Variants in EDC4 observed in about 807,000 individuals in gnomAD.
The protein encoded by EDC4 is enhancer of mRNA-decapping protein 4.
A neutral mutation model predicts 155.8 loss-of-function variants in EDC4; 64 were observed. The ratio of observed to expected loss-of-function variants is 0.41; its 90% CI spans 0.34 to 0.51. The LOEUF is 0.51. EDC4 is among the 20% of genes least tolerant of loss of function. The probability of loss-of-function intolerance (pLI) is 0.19; values close to 1 mark genes in which losing one functional copy is unlikely to be tolerated. For missense variants in EDC4, 1,303 were observed against 1,812.5 expected (o/e 0.72, Z 5.10); for synonymous variants, 684 against 716.8 (o/e 0.95, Z 0.73).
chr16:67,873,449 C>T lies in EDC4; in HGVS notation c.82+106C>T, dbSNP rs546902948. 28 of 943,732 alleles carry T rather than the reference C, an allele frequency of 3.0e-5. No homozygotes were observed. In the South Asian group the frequency reaches 4.1e-4, roughly 14 times the overall value. 58.5% of individuals were successfully genotyped at this position (943,732 alleles called of 1,614,324 possible). On this transcript the variant is annotated intron_variant, in intron 1 of 28. Transcript: ENST00000358933. ...GCTCCCTTAGGACTAGCTCTGGATC[C>T]TCCCGGCGGGTAAGGGTGGACGGGG...
chr16:67,882,027 G>T lies in EDC4; in HGVS notation c.3078G>T (p.Gln1026His), dbSNP rs1243431735. 2 of 1,612,384 alleles carry T rather than the reference G, an allele frequency of 1.2e-6. No individual in the cohort carries two copies. Among genetic ancestry groups the T allele is most frequent in the African/African-American group, 2.7e-5 (2 of 74,850 alleles). The change falls in exon 23 of 29, where the codon CAG becomes CAT. Residue 1026 changes from glutamine (Q) to histidine (H), a missense_variant. Physicochemically the swap from Gln to His is conservative, Grantham distance 24 (BLOSUM62 0). Transcript: ENST00000358933. This position sits in a 1 kb window ranked among gnomAD's most constrained non-coding sequence, Gnocchi z 7.2. Reference sequence around the variant, plus strand: ...AGCTGCAGGAGCAGCTGACACAACAGTTGTCCCAAGCACTGTCGTCAGCTG... The same window carrying T: ...AGCTGCAGGAGCAGCTGACACAACATTTGTCCCAAGCACTGTCGTCAGCTG... ...GGQLQEQLTQ[Q>H]LSQALSSAVA...
Position 67,882,813 on chromosome 16 carries a change from G to A in EDC4, c.3577G>A (p.Ala1193Thr). ...CACTGAGCAGATGGCAGCCACCGTG[G>A]CCGGCAGTGTTCGTGCTGAGGTGCA... ...SATEQMAATV[A>T]GSVRAEVQHQ... Residue 1193 changes from alanine to threonine, a missense_variant, in exon 26 of 29, where the codon GCC (alanine) becomes ACC (threonine). Transcript: ENST00000358933. This position sits in a 1 kb window ranked among gnomAD's most constrained non-coding sequence, Gnocchi z 7.2. 2 of 1,614,140 alleles carry A rather than the reference G, an allele frequency of 1.2e-6. No individual in the cohort carries two copies. The highest frequency in any genetic ancestry group is 1.7e-4 in the Middle Eastern group (1 of 6,060).
Position 67,883,483 on chromosome 16 carries a change from A to G in EDC4, c.3850-85A>G, listed in dbSNP as rs2058079761. On this transcript the variant is annotated intron_variant, in intron 27 of 28. Transcript: ENST00000358933. The surrounding 1 kb of genome is among the most constrained non-coding windows in gnomAD (Gnocchi z 5.3). ...GCTCTCACTAGCCCACCCTGTGGTCATCCTCCCCCAGGCCACACAGTTCAG... is the reference window on the plus strand; with the variant it reads ...GCTCTCACTAGCCCACCCTGTGGTCGTCCTCCCCCAGGCCACACAGTTCAG... The G allele has an allele frequency of 6.4e-7, 1 of 1,560,140 alleles. No homozygotes were observed. Among genetic ancestry groups the G allele is most frequent in the African/African-American group, 1.3e-5 (1 of 74,432 alleles).
chr16:67,881,856 G>T lies in EDC4; in HGVS notation c.3004+11G>T. The T allele has an allele frequency of 6.2e-7, 1 of 1,611,142 alleles. No individual in the cohort carries two copies. The highest frequency in any genetic ancestry group is 1.1e-5 in the South Asian group (1 of 91,018). On this transcript the variant is annotated intron_variant, in intron 22 of 28. Transcript: ENST00000358933. The surrounding 1 kb of genome is among the most constrained non-coding windows in gnomAD (Gnocchi z 5.4). ...GGCACGAGCAGGAACGTATCCTTGA[G>T]ACTGGTAGCACAACATGGCATAGGG...
chr16:67,884,030 C>T lies in EDC4; in HGVS notation c.4088C>T (p.Ala1363Val). Residue 1363 changes from alanine to valine, a missense_variant, in exon 29 of 29, where the codon GCC (alanine) becomes GTC (valine). By Grantham distance (64) the Ala-to-Val change is moderately conservative. Around this residue, in one of 5 missense-constraint regions of EDC4, gnomAD observed 527 missense variants for 757.0 expected, o/e 0.70. Transcript: ENST00000358933. This position sits in a 1 kb window ranked among gnomAD's most constrained non-coding sequence, Gnocchi z 4.1. ...ITRDHMGSVM[A>V]QVRQKLFQFL... ...CGGGACCACATGGGCTCCGTTATGG[C>T]CCAGGTGCGCCAAAAGCTTTTTCAG... 6.2e-7 allele frequency: 1 copy of T among 1,614,112 alleles called. No homozygotes were observed.
In EDC4 at chr16:67,878,091, C is replaced by T. The variant is rs1387436099; in HGVS notation, c.895-75C>T. 35 of 1,594,874 alleles carry T rather than the reference C, an allele frequency of 2.2e-5. No homozygotes were observed. Among genetic ancestry groups the T allele is most frequent in the Non-Finnish European group, 2.9e-5 (34 of 1,169,774 alleles). ...ATGCCAGTCCCACCGTGAGTCAGCC[C>T]AGCTCATTGCCATCCTCACTTGGGA... On this transcript the variant is annotated intron_variant, in intron 7 of 28. Transcript: ENST00000358933. The surrounding 1 kb of genome is among the most constrained non-coding windows in gnomAD (Gnocchi z 5.2).
Position 67,876,507 on chromosome 16 carries a change from A to T in EDC4, c.259A>T (p.Ser87Cys), listed in dbSNP as rs1567389124. The T allele has an allele frequency of 1.2e-6, 2 of 1,614,126 alleles. No individual in the cohort carries two copies. Among genetic ancestry groups the T allele is most frequent in the Non-Finnish European group, 8.5e-7 (1 of 1,180,028 alleles). ...KQVICLSGDD[S>C]STCIGILAKE... ...CCACAGCTGTCTCTCAGGAGATGAT[A>T]GCTCCACCTGCATTGGGATTTTGGC... The change falls in exon 3 of 29, where the codon AGC becomes TGC. Residue 87 changes from serine to cysteine, a missense_variant. Coordinates refer to ENST00000358933, the MANE Select transcript of EDC4 (RefSeq NM_014329.5). The surrounding 1 kb of genome is among the most constrained non-coding windows in gnomAD (Gnocchi z 5.8).
rs773101328 is a variant in EDC4, at chr16:67,880,280, G to C, written c.2097+64G>C. On this transcript the variant is annotated intron_variant, in intron 17 of 28. Coordinates refer to ENST00000358933, the MANE Select transcript of EDC4 (RefSeq NM_014329.5). This position sits in a 1 kb window ranked among gnomAD's most constrained non-coding sequence, Gnocchi z 5.2. ...GTGGGCAGCAGCAGGGAAGGTGGGT[G>C]GTGGGCTCCTCCCAGCCCCCTGCTG... 3 of 1,533,792 alleles carry C rather than the reference G, an allele frequency of 2.0e-6. No individual in the cohort carries two copies. The Admixed American group carries it at 5.6e-5, about 29-fold the overall frequency.
At position 67,878,877 on chromosome 16, in the gene EDC4, T is replaced by G. The variant is rs1372317377; in HGVS notation, c.1287+38T>G. On this transcript the variant is annotated intron_variant, in intron 11 of 28. Transcript: ENST00000358933. This position sits in a 1 kb window ranked among gnomAD's most constrained non-coding sequence, Gnocchi z 5.2. ...GGGGTACCCTGGGCAGAGTTGGGAT[T>G]ATAGAGGAAGGCCGGGGGGCAGGTG... 6.2e-7 allele frequency: 1 copy of G among 1,611,720 alleles called. No homozygotes were observed. The highest frequency in any genetic ancestry group is 8.5e-7 in the Non-Finnish European group (1 of 1,179,958).
Position 67,884,098 on chromosome 16 carries a change from C to T in EDC4, c.4156C>T (p.Arg1386Trp). Residue 1386 changes from arginine to tryptophan, a missense_variant, in exon 29 of 29, where the codon CGG (arginine) becomes TGG (tryptophan). Around this residue, in one of 5 missense-constraint regions of EDC4, gnomAD observed 527 missense variants for 757.0 expected, o/e 0.70. Transcript: ENST00000358933. The surrounding 1 kb of genome is among the most constrained non-coding windows in gnomAD (Gnocchi z 4.1). ...ACACAACTCACTTGGCAAAGCAGCT[C>T]GGCGTCTCAGCCTCATGCTGCATGG... ...EPHNSLGKAARRLSLMLHGLV... is the reference protein window; with the variant it reads ...EPHNSLGKAAWRLSLMLHGLV... 7 of 1,614,012 alleles carry T rather than the reference C, an allele frequency of 4.3e-6. No homozygotes were observed. The highest frequency in any genetic ancestry group is 1.3e-5 in the African/African-American group (1 of 75,070).
chr16:67,882,753 C>T lies in EDC4; in HGVS notation c.3517C>T (p.Gln1173Ter). 1 of 1,614,252 alleles carries T rather than the reference C, an allele frequency of 6.2e-7. No homozygotes were observed. Among genetic ancestry groups the T allele is most frequent in the Non-Finnish European group, 8.5e-7 (1 of 1,180,034 alleles). ...EQEAREPVLAQLRGLVSTLQS... is the reference protein window; with the variant it reads ...EQEAREPVLA ...GGAGGCCAGGGAGCCTGTGCTAGCCCAGCTGCGGGGCCTGGTCAGCACACT... is the reference window on the plus strand; with the variant it reads ...GGAGGCCAGGGAGCCTGTGCTAGCCTAGCTGCGGGGCCTGGTCAGCACACT... Residue 1173 changes from glutamine (Q) to a stop codon, truncating the protein, a stop_gained, in exon 26 of 29, where the codon CAG becomes TAG. Transcript: ENST00000358933. LOFTEE classifies it high-confidence loss of function. The surrounding 1 kb of genome is among the most constrained non-coding windows in gnomAD (Gnocchi z 7.2).
rs2058026935 is a variant in EDC4 at position 67,873,230 on chromosome 16, G to C, written c.-32G>C. On this transcript the variant is annotated 5_prime_UTR_variant, in exon 1 of 29. Transcript: ENST00000358933. ...GGTGCGCGGCGGCGGCGGAACGAAC[G>C]CGGTGCGGGCGGGGCGCCCGCCGCA... 8.0e-6 allele frequency: 11 copies of C among 1,373,308 alleles called. No homozygotes were observed. The highest frequency in any genetic ancestry group is 8.4e-6 in the Non-Finnish European group (9 of 1,069,132). The allele number at this position is 1,373,308 out of a possible 1,614,324, so 85.1% of individuals were successfully genotyped here. A position where few individuals can be genotyped will look rare whatever the true frequency, so the allele number is the denominator to read the frequency against.
In EDC4 at chr16:67,881,000, T is replaced by C; in HGVS notation, c.2531+10T>C. On this transcript the variant is annotated intron_variant, in intron 18 of 28. Transcript: ENST00000358933. This position sits in a 1 kb window ranked among gnomAD's most constrained non-coding sequence, Gnocchi z 5.2. ...GCACCCTGGCAGAAAGGTGAGGAGC[T>C]TGGGAGGGGAAAAGTGTGCTAGCAG... The C allele has an allele frequency of 4.3e-6, 7 of 1,613,472 alleles. No homozygotes were observed. Among genetic ancestry groups the C allele is most frequent in the Non-Finnish European group, 5.9e-6 (7 of 1,179,714 alleles).
At chr16:67,875,891 G>C in intron 1 of EDC4, 54 bp from the exon 2 acceptor site, 1 of 1,578,310 alleles carries the variant, frequency 6.3e-7, no homozygotes, top group Non-Finnish European at 8.6e-7. Context: ...TGAAAGGGGA[G>C]AGGCTTGTGG....
In EDC4 at chr16:67,877,078, C is replaced by T. The variant is rs920296012; in HGVS notation, c.451+106C>T. 7 of 1,549,324 alleles carry T rather than the reference C, an allele frequency of 4.5e-6. No individual in the cohort carries two copies. The highest frequency in any genetic ancestry group is 6.1e-6 in the Non-Finnish European group (7 of 1,146,640). ...TTAGGGGTACAATGGAAGGTTTGTC[C>T]ATGCTGCCTCTTGGGGAGCTGGGTG... On this transcript the variant is annotated intron_variant, in intron 4 of 28. Coordinates refer to ENST00000358933, the MANE Select transcript of EDC4 (RefSeq NM_014329.5). The surrounding 1 kb of genome is among the most constrained non-coding windows in gnomAD (Gnocchi z 4.9).
intron 1 of EDC4, chr16:67,875,638 C>T (rs1344968084): frequency 3.4e-6 from 3 of 879,154 alleles, no homozygotes; most frequent in African/African-American, 1.8e-5. Context: ...CCTGACCCCT[C>T]CTATGCCCTC....
Position 67,881,597 on chromosome 16 carries a change from G to C in EDC4, c.2826+64G>C. On this transcript the variant is annotated intron_variant, in intron 21 of 28. Coordinates refer to ENST00000358933, the MANE Select transcript of EDC4 (RefSeq NM_014329.5). This position sits in a 1 kb window ranked among gnomAD's most constrained non-coding sequence, Gnocchi z 5.4. ...CCCTGGGCGGGTGGAGAAGGGCTCT[G>C]GGCCATTCCCTGGTCTGGTGTGTGG... is the stretch of plus-strand genomic sequence containing the variant. 2 of 1,612,896 alleles carry C rather than the reference G, an allele frequency of 1.2e-6. No individual in the cohort carries two copies.
At position 67,880,909 on chromosome 16, in the gene EDC4, A is replaced by G; in HGVS notation, c.2450A>G (p.Gln817Arg). Reference sequence around the variant, plus strand: ...TCCCTCCTGGAGGCAGCCTTGACCCAGGAGGCCTCGACTCCTGACAGTCAG... The same window carrying G: ...TCCCTCCTGGAGGCAGCCTTGACCCGGGAGGCCTCGACTCCTGACAGTCAG... ...TPSLLEAALT[Q>R]EASTPDSQVW... The change falls in exon 18 of 29, where the codon CAG (glutamine) becomes CGG (arginine). Residue 817 changes from glutamine (Q) to arginine (R), a missense_variant. Gln to Arg is a conservative substitution (Grantham distance 43). Coordinates refer to ENST00000358933, the MANE Select transcript of EDC4 (RefSeq NM_014329.5). The surrounding 1 kb of genome is among the most constrained non-coding windows in gnomAD (Gnocchi z 5.2). The G allele has an allele frequency of 1.2e-6, 2 of 1,614,002 alleles. No individual in the cohort carries two copies. The highest frequency in any genetic ancestry group is 1.3e-5 in the African/African-American group (1 of 75,038).
chr16:67,884,306 G>T lies in EDC4; in HGVS notation c.*158G>T. On this transcript the variant is annotated 3_prime_UTR_variant, in exon 29 of 29. Transcript: ENST00000358933. This position sits in a 1 kb window ranked among gnomAD's most constrained non-coding sequence, Gnocchi z 4.1. ...GGGAGCACTGGCCGTGGTCTACAGC[G>T]TGTGGTAGTCAGAAGGTTTAGCTGG... is the stretch of plus-strand genomic sequence containing the variant. The T allele has an allele frequency of 1.4e-6, 1 of 697,072 alleles. No individual in the cohort carries two copies. The highest frequency in any genetic ancestry group is 2.3e-6 in the Non-Finnish European group (1 of 432,932). The allele number at this position is 697,072 out of a possible 1,614,324, so 43.2% of individuals were successfully genotyped here.
Sources: allele counts gnomAD v4.1 joint callset, GRCh38; gene constraint gnomAD v4.1.1; regional missense constraint gnomAD v4.1.1; non-coding constraint Gnocchi (gnomAD v3.1); transcripts MANE v1.5; gene names NCBI Gene and HGNC (gene_info 2026-07-23, HGNC 2026-07-21).